C1QTNF3: variants seen among roughly 807,000 people sequenced by gnomAD.
C1QTNF3 encodes complement C1q tumor necrosis factor-related protein 3.
Under a neutral mutation model 32.6 loss-of-function variants are expected in C1QTNF3, and 26 were observed. The observed-to-expected ratio is 0.80, with a 90% CI of 0.58 to 1.11. C1QTNF3 has a LOEUF of 1.11. C1QTNF3 is among the 50% of genes least tolerant of loss of function. The pLI, the probability that C1QTNF3 is intolerant of heterozygous loss-of-function variation, is 0.00. For missense variants in C1QTNF3, 362 were observed against 398.2 expected (o/e 0.91, Z 0.77); for synonymous variants, 155 against 146.0 (o/e 1.06, Z -0.44).
At chr5:34,115,728 G>T in the C1QTNF3 span, among the ~76,000 whole-genome samples, 13 of 138,942 alleles carry the variant, frequency 9.4e-5, no homozygotes, top group African/African-American at 3.2e-4. Flanking sequence ...GAGACTCTGT[G>T]TCAAAAAAAA....
At chr5:34,062,014 C>A in the C1QTNF3 span, among the ~76,000 whole-genome samples, 2 of 152,202 alleles carry the variant, frequency 1.3e-5, no homozygotes, top group African/African-American at 4.8e-5. Context: ...ATGCCTTTAG[C>A]AGCCCCCAAG....
At chr5:34,041,667 A>G (rs1437708335) in intron 1 of C1QTNF3, among the ~76,000 whole-genome samples, 1 of 152,124 alleles carries the variant, frequency 6.6e-6, no homozygotes, top group Non-Finnish European at 1.5e-5. Context: ...ATATTTAGAG[A>G]TTATCATTTC....
the C1QTNF3 span, among the ~76,000 whole-genome samples, chr5:34,062,680 G>C: frequency 6.6e-6 from 1 of 152,144 alleles, no homozygotes; most frequent in Admixed American, 6.5e-5. Context: ...GCCATTTATC[G>C]TCCTGTCCTG....
At chr5:34,232,607 GCTCT>G in the C1QTNF3 span, among the ~76,000 whole-genome samples, 1 of 151,508 alleles carries the variant, frequency 6.6e-6, no homozygotes, top group Admixed American at 6.6e-5. Flanking sequence ...CCCTCCTTGT[GCTCT>G]CTCTCTCCTG....
At chr5:34,221,280 TAAC>T in the C1QTNF3 span, among the ~76,000 whole-genome samples, 1 of 152,088 alleles carries the variant, frequency 6.6e-6, no homozygotes. Flanking sequence ...CCTTTGATAC[TAAC>T]AACTTGATTG....
At chr5:34,170,824 T>G in the C1QTNF3 span, among the ~76,000 whole-genome samples, 3 of 152,264 alleles carry the variant, frequency 2.0e-5, no homozygotes, top group Admixed American at 6.5e-5. Context: ...CATCAATGTG[T>G]TCAAAAACCC....
At chr5:34,132,513 G>C in the C1QTNF3 span, among the ~76,000 whole-genome samples, 1 of 150,106 alleles carries the variant, frequency 6.7e-6, no homozygotes, top group African/African-American at 2.5e-5. Flanking sequence ...GTTTAAATAA[G>C]TGTATCCTCT....
the C1QTNF3 span, among the ~76,000 whole-genome samples, chr5:34,132,402 C>A: frequency 4.0e-5 from 3 of 75,934 alleles, no homozygotes; most frequent in Non-Finnish European, 9.1e-5. Context: ...ACAACAACAA[C>A]AAAAATATAT....
chr5:34,203,911 A>G, the C1QTNF3 span, among the ~76,000 whole-genome samples: 3 of 152,262 alleles, frequency 2.0e-5, no homozygotes, highest in Middle Eastern at 3.4e-3. Context: ...CTAAAACAGT[A>G]TAACAATGAC....
At chr5:34,139,796 T>A in the C1QTNF3 span, among the ~76,000 whole-genome samples, 1 of 152,226 alleles carries the variant, frequency 6.6e-6, no homozygotes, top group African/African-American at 2.4e-5. Flanking sequence ...TATCCAGTGA[T>A]GTATTGGAGT....
chr5:34,084,908 T>C, the C1QTNF3 span, among the ~76,000 whole-genome samples: 2 of 149,300 alleles, frequency 1.3e-5, no homozygotes. Context: ...ATTAAGTATT[T>C]GCCCATGCCT....
chr5:34,162,491 A>G, the C1QTNF3 span, among the ~76,000 whole-genome samples: 1 of 152,174 alleles, frequency 6.6e-6, no homozygotes, highest in Non-Finnish European at 1.5e-5. Context: ...TTCAAACCAT[A>G]GCAGGTATAT....
At chr5:34,174,662 T>C in the C1QTNF3 span, among the ~76,000 whole-genome samples, 3 of 152,324 alleles carry the variant, frequency 2.0e-5, 1 homozygote, top group African/African-American at 7.2e-5. Flanking sequence ...GTCCATAAAC[T>C]AAGAAGGAAT....
the C1QTNF3 span, among the ~76,000 whole-genome samples, chr5:34,085,076 C>T: frequency 1.7e-3 from 254 of 145,386 alleles, 8 homozygotes; most frequent in African/African-American, 6.3e-3. Context: ...CTGCAAGCTC[C>T]GCCTCCCGGG....
chr5:34,211,363 G>A, the C1QTNF3 span, among the ~76,000 whole-genome samples: 1 of 151,932 alleles, frequency 6.6e-6, no homozygotes, highest in African/African-American at 2.4e-5. Context: ...TGCATGAGGT[G>A]CCACTGCTTG....
chr5:34,116,274 T>C, the C1QTNF3 span, among the ~76,000 whole-genome samples: 2 of 152,170 alleles, frequency 1.3e-5, no homozygotes, highest in Non-Finnish European at 2.9e-5. Flanking sequence ...CTTTTAAAAA[T>C]GTTCCACGTG....
intron 1 of C1QTNF3, among the ~76,000 whole-genome samples, chr5:34,036,457 CAT>C (rs1334440269): frequency 1.3e-5 from 2 of 152,142 alleles, no homozygotes; most frequent in Non-Finnish European, 2.9e-5. Flanking sequence ...AGCTAATTAA[CAT>C]ATGTGTTGTC....
At chr5:34,122,255 G>A in the C1QTNF3 span, among the ~76,000 whole-genome samples, 2 of 152,018 alleles carry the variant, frequency 1.3e-5, no homozygotes, top group South Asian at 2.1e-4. Context: ...AGTCTGGTGT[G>A]AGCTCTGAAG....
upstream of C1QTNF3, among the ~76,000 whole-genome samples, chr5:34,044,273 C>A (rs1754943943): frequency 6.6e-6 from 1 of 152,196 alleles, no homozygotes; most frequent in Non-Finnish European, 1.5e-5. Flanking sequence ...GTTTTGTCAT[C>A]AAAAATTGCT....
Sources: allele counts gnomAD v4.1 joint callset (sites outside exome capture counted in the v4.1 genomes callset), GRCh38; gene constraint gnomAD v4.1.1; transcripts MANE v1.5; gene names NCBI Gene and HGNC (gene_info 2026-07-23, HGNC 2026-07-21).